Variants in MVB12B observed in about 807,000 individuals in gnomAD.
MVB12B encodes multivesicular body subunit 12B.
Under a neutral mutation model 41.6 loss-of-function variants are expected in MVB12B, and 16 were observed. The observed-to-expected ratio is 0.38, with a 90% CI of 0.26 to 0.58. MVB12B has a LOEUF of 0.58. Among genes scored for constraint, MVB12B ranks in the 20% least tolerant of loss-of-function variants. The probability of loss-of-function intolerance (pLI) is 0.62; values close to 1 mark genes in which losing one functional copy is unlikely to be tolerated. For missense variants in MVB12B, 274 were observed against 380.2 expected, an observed-to-expected ratio of 0.72 and a Z score of 2.32; for synonymous variants, 133 against 139.7, an observed-to-expected ratio of 0.95 and a Z score of 0.34.
At chr9:126,338,225 C>T (rs944978383) in intron 1 of MVB12B, among the ~76,000 whole-genome samples, 2 of 152,354 alleles carry the variant, frequency 1.3e-5, no homozygotes, top group African/African-American at 4.8e-5. Context: ...AGATGCTCTG[C>T]GCGCAGCTCT....
At chr9:126,380,372 C>T (rs1830600209) in intron 2 of MVB12B, among the ~76,000 whole-genome samples, 1 of 152,214 alleles carries the variant, frequency 6.6e-6, no homozygotes, top group South Asian at 2.1e-4. Flanking sequence ...CAGATCAAGG[C>T]TGGCTGGCGT....
At chr9:126,475,652 T>C (rs4837090) in intron 7 of MVB12B, among the ~76,000 whole-genome samples, 96,221 of 152,022 alleles carry the variant, frequency 0.63, 31,748 homozygotes, top group East Asian at 0.74. Context: ...CCGCTCCTCT[T>C]GATTCAGCTC....
chr9:126,435,130 A>G (rs1261523470), intron 7 of MVB12B, among the ~76,000 whole-genome samples: 1 of 151,274 alleles, frequency 6.6e-6, no homozygotes. Flanking sequence ...GAATTTGAGG[A>G]TTAAAGATAA....
intron 2 of MVB12B, among the ~76,000 whole-genome samples, chr9:126,379,285 A>AT (rs1049823608): frequency 6.6e-6 from 1 of 152,186 alleles, no homozygotes; most frequent in Non-Finnish European, 1.5e-5. Context: ...TTTCGTGTGA[A>AT]GGGGTGTTCC....
intron 1 of MVB12B, among the ~76,000 whole-genome samples, chr9:126,337,795 G>T (rs1008833015): frequency 6.6e-6 from 1 of 152,202 alleles, no homozygotes; most frequent in Non-Finnish European, 1.5e-5. Context: ...ACAACCTGGG[G>T]TTGTTGCCAG....
Position 126,386,062 on chromosome 9 carries a change from C to A in MVB12B, c.313-500C>A, listed in dbSNP as rs1830781648. ...TTTCACTCTGTATTAGTGTATGATT[C>A]TTGGGATTTTGCAGAATGTATCTAG... On this transcript the variant is annotated intron_variant, in intron 3 of 9. Coordinates refer to ENST00000361171, the MANE Select transcript of MVB12B (RefSeq NM_033446.3). This position sits in a 1 kb window ranked among gnomAD's most constrained non-coding sequence, Gnocchi z 4.3. Among the ~76,000 whole-genome samples, 1 of 152,182 alleles carries A rather than the reference C, an allele frequency of 6.6e-6. No individual in the cohort carries two copies.
At chr9:126,403,950 C>CTTTTTTTTTTTTTTTTTTTTTTTTTTTTT (rs36030597) in intron 6 of MVB12B, among the ~76,000 whole-genome samples, 1 of 104,732 alleles carries the variant, frequency 9.5e-6, no homozygotes. Flanking sequence ...TCCTTTAAAT[C>CTTTTTTTTTTTTTTTTTTTTTTTTTTTTT]TTTTTTTTTT....
chr9:126,490,646 A>G (rs1833713442), intron 9 of MVB12B, among the ~76,000 whole-genome samples: 1 of 152,214 alleles, frequency 6.6e-6, no homozygotes, highest in Non-Finnish European at 1.5e-5. Flanking sequence ...GGGAGGGTCT[A>G]ATTAGTAAAG....
At chr9:126,455,887 C>CTTTTTTTT (rs3983803) in intron 7 of MVB12B, among the ~76,000 whole-genome samples, 108 of 103,012 alleles carry the variant, frequency 1.0e-3, no homozygotes, top group Non-Finnish European at 1.3e-3. Context: ...TTCTTTCTTT[C>CTTTTTTTT]TTTTTTTTTT....
At position 126,478,796 on chromosome 9, in the gene MVB12B, C is replaced by G. The variant is rs1472105032; in HGVS notation, c.758-2573C>G. On this transcript the variant is annotated intron_variant, in intron 7 of 9. Transcript: ENST00000361171. The surrounding 1 kb of genome is among the most constrained non-coding windows in gnomAD (Gnocchi z 4.2). ...CAGCCCCCTCAGTTCCTGATGTAAT[C>G]AGGTCTTTGCACATCACCTTACCAC... 6.6e-6 allele frequency among the ~76,000 whole-genome samples: 1 copy of G among 152,150 alleles called. No individual in the cohort carries two copies. The highest frequency in any genetic ancestry group is 1.5e-5 in the Non-Finnish European group (1 of 68,024).
chr9:126,355,847 CATTTATAATGTTGAACA>C (rs1424341100), intron 2 of MVB12B, among the ~76,000 whole-genome samples: 3 of 152,154 alleles, frequency 2.0e-5, no homozygotes, highest in Non-Finnish European at 4.4e-5. Context: ...GCATTTAGTA[CATTTATAATGTTGAACA>C]ACCACCACCT....
chr9:126,352,530 T>C (rs1050150643), intron 2 of MVB12B, among the ~76,000 whole-genome samples: 2 of 152,246 alleles, frequency 1.3e-5, no homozygotes, highest in Non-Finnish European at 2.9e-5. Flanking sequence ...TGTTTACTGC[T>C]GTTTCTGGGT....
intron 8 of MVB12B, 37 bp downstream of exon 8, chr9:126,481,461 C>T: frequency 2.0e-6 from 3 of 1,493,200 alleles, no homozygotes; most frequent in East Asian, 4.5e-5. Context: ...CCCTCTGCCA[C>T]CCCCCAGCCT....
At chr9:126,348,673 C>T (rs1588093610) in intron 2 of MVB12B, among the ~76,000 whole-genome samples, 1 of 152,140 alleles carries the variant, frequency 6.6e-6, no homozygotes. Flanking sequence ...AATAATGAAA[C>T]GTCAATTAAT....
At chr9:126,398,773 A>G (rs1457379196) in intron 6 of MVB12B, among the ~76,000 whole-genome samples, 1 of 152,264 alleles carries the variant, frequency 6.6e-6, no homozygotes, top group African/African-American at 2.4e-5. Flanking sequence ...GGACCTAGGA[A>G]GCGGTGGGTC....
chr9:126,399,497 G>A (rs1284093339), intron 6 of MVB12B, among the ~76,000 whole-genome samples: 2 of 152,234 alleles, frequency 1.3e-5, no homozygotes, highest in African/African-American at 4.8e-5. Flanking sequence ...CTGTGATGCT[G>A]TCTGGGGCAG....
intron 7 of MVB12B, among the ~76,000 whole-genome samples, chr9:126,469,458 T>C (rs998042930): frequency 6.6e-6 from 1 of 152,220 alleles, no homozygotes; most frequent in Non-Finnish European, 1.5e-5. Context: ...AAAAGAGCCC[T>C]GGCAGAGAAA....
At chr9:126,477,754 G>A (rs907323012) in intron 7 of MVB12B, among the ~76,000 whole-genome samples, 1 of 152,108 alleles carries the variant, frequency 6.6e-6, no homozygotes, top group Non-Finnish European at 1.5e-5. Flanking sequence ...ATTTGGGCGG[G>A]GACATAGCTA....
intron 7 of MVB12B, among the ~76,000 whole-genome samples, chr9:126,441,089 G>A (rs1456246295): frequency 6.6e-6 from 1 of 152,204 alleles, no homozygotes; most frequent in Non-Finnish European, 1.5e-5. Context: ...AGTCACGATG[G>A]GAGGTGCCAG....
Sources: gnomAD v4.1 joint callset for allele counts (sites outside exome capture counted in the v4.1 genomes callset) on GRCh38, gnomAD v4.1.1 for gene constraint, Gnocchi (gnomAD v3.1) non-coding constraint, MANE v1.5 for transcripts, NCBI Gene and HGNC (gene_info 2026-07-23, HGNC 2026-07-21) for gene names.